SORCS1: variants seen among roughly 807,000 people sequenced by gnomAD.
SORCS1 encodes sortilin related VPS10 domain containing receptor 1.
Under a neutral mutation model 146.1 loss-of-function variants are expected in SORCS1, and 60 were observed. That is an observed-to-expected ratio of 0.41 (90% CI 0.33 to 0.51). The LOEUF (loss-of-function observed/expected upper bound fraction) is 0.51. Among genes scored for constraint, SORCS1 ranks in the 20% least tolerant of loss-of-function variants. The pLI is 0.21. For synonymous variants in SORCS1, 637 were observed against 584.0 expected (o/e 1.09, Z -1.31); for missense variants, 1,352 against 1,487.6 (o/e 0.91, Z 1.50).
intron 18 of SORCS1, among the ~76,000 whole-genome samples, chr10:106,638,085 T>C (rs1051745190): frequency 1.1e-4 from 17 of 152,170 alleles, no homozygotes; most frequent in Admixed American, 5.9e-4. Context: ...CCATTGCACT[T>C]TGGAAGCACT....
At chr10:106,922,215 G>A (rs1355379624) in intron 2 of SORCS1, among the ~76,000 whole-genome samples, 1 of 152,100 alleles carries the variant, frequency 6.6e-6, no homozygotes, top group Middle Eastern at 3.2e-3. Flanking sequence ...TTTCAGAGGC[G>A]GGTTCCAGGT....
intron 8 of SORCS1, among the ~76,000 whole-genome samples, chr10:106,701,624 A>C (rs1854145819): frequency 6.6e-6 from 1 of 152,178 alleles, no homozygotes; most frequent in Non-Finnish European, 1.5e-5. Flanking sequence ...ATCCTGTGAC[A>C]TTTTTTTGGT....
intron 3 of SORCS1, among the ~76,000 whole-genome samples, chr10:106,791,254 T>A (rs2136516355): frequency 6.6e-6 from 1 of 152,354 alleles, no homozygotes; most frequent in Non-Finnish European, 1.5e-5. Context: ...GATATAGTAT[T>A]GATTGTACAA....
chr10:106,948,366 A>C (rs1211188630), intron 2 of SORCS1, among the ~76,000 whole-genome samples: 2 of 152,050 alleles, frequency 1.3e-5, no homozygotes, highest in Non-Finnish European at 2.9e-5. Context: ...TTTTTAAAAA[A>C]ACATAGTTTA....
chr10:106,593,908 T>C (rs1845757486), intron 24 of SORCS1, among the ~76,000 whole-genome samples: 1 of 152,112 alleles, frequency 6.6e-6, no homozygotes, highest in African/African-American at 2.4e-5. Flanking sequence ...TTCCCAGGAG[T>C]CTTAGTCCTG....
chr10:106,833,144 A>G (rs1948631683), intron 2 of SORCS1, among the ~76,000 whole-genome samples: 1 of 152,148 alleles, frequency 6.6e-6, no homozygotes, highest in South Asian at 2.1e-4. Flanking sequence ...GGACATTTTT[A>G]TCTTATTGTA....
chr10:106,900,555 G>A (rs1289840681), intron 2 of SORCS1, among the ~76,000 whole-genome samples: 1 of 151,836 alleles, frequency 6.6e-6, no homozygotes, highest in African/African-American at 2.4e-5. Flanking sequence ...TAACTCAGAG[G>A]TGTGCTCTAC....
chr10:107,032,515 C>T (rs1958705997), intron 1 of SORCS1, among the ~76,000 whole-genome samples: 1 of 152,168 alleles, frequency 6.6e-6, no homozygotes, highest in African/African-American at 2.4e-5. Flanking sequence ...GAAACAGCTG[C>T]TGCCCCTCAA....
chr10:106,854,715 G>T (rs1397646465), intron 2 of SORCS1, among the ~76,000 whole-genome samples: 1 of 151,918 alleles, frequency 6.6e-6, no homozygotes, highest in African/African-American at 2.4e-5. Context: ...ACTACTTCAT[G>T]GGGAGTGCAG....
At position 107,071,406 on chromosome 10, in the gene SORCS1, TTACACAG is replaced by T. The variant is rs1962413986; in HGVS notation, c.558+92556_558+92562del. On this transcript the variant is annotated intron_variant, in intron 1 of 25. Transcript: ENST00000263054. ...TGAAAAGTGTCTGTGTACTCAACTT[TTACACAG>T]AGTTGTGGGAGCTTATGTGAATCCC... 4.6e-5 allele frequency among the ~76,000 whole-genome samples: 7 copies of T among 152,296 alleles called. No individual in the cohort carries two copies. The East Asian group carries it at 1.4e-3, about 29-fold the overall frequency.
chr10:106,746,261 T>C (rs1276140022), intron 5 of SORCS1, among the ~76,000 whole-genome samples: 3 of 152,218 alleles, frequency 2.0e-5, no homozygotes, highest in African/African-American at 7.2e-5. Context: ...CATTGCACCA[T>C]GGTAATGTAA....
intron 2 of SORCS1, among the ~76,000 whole-genome samples, chr10:106,898,048 T>G (rs1022740833): frequency 3.9e-5 from 6 of 152,242 alleles, no homozygotes; most frequent in African/African-American, 1.2e-4. Context: ...GGATTGTTGT[T>G]GCTTTCAACT....
In SORCS1 at chr10:106,932,209, ATATAT is replaced by A. The variant is rs574696832; in HGVS notation, c.626+24299_626+24303del. ...ACTATAGTATTAATATAGTCTACAA[ATATAT>A]TATTATTTTTGAGAATTACATGATT... On this transcript the variant is annotated intron_variant, in intron 2 of 25. Coordinates refer to ENST00000263054, the MANE Select transcript of SORCS1 (RefSeq NM_052918.5). Among the ~76,000 whole-genome samples the A allele has an allele frequency of 2.3e-4, 35 of 152,292 alleles. No individual in the cohort carries two copies. The East Asian group carries it at 6.7e-3, about 29-fold the overall frequency.
intron 5 of SORCS1, among the ~76,000 whole-genome samples, chr10:106,760,820 A>ACATGT (rs1859050574): frequency 6.6e-6 from 1 of 152,040 alleles, no homozygotes; most frequent in Non-Finnish European, 1.5e-5. Flanking sequence ...GACAAGGGGA[A>ACATGT]GGCCGGCCAG....
At chr10:106,927,909 G>T (rs1953150001) in intron 2 of SORCS1, among the ~76,000 whole-genome samples, 1 of 152,246 alleles carries the variant, frequency 6.6e-6, no homozygotes, top group Admixed American at 6.5e-5. Flanking sequence ...AGAGTAGCTG[G>T]ATGCAAAGTG....
chr10:106,802,908 GGT>G (rs1946980819), intron 3 of SORCS1, among the ~76,000 whole-genome samples: 1 of 152,194 alleles, frequency 6.6e-6, no homozygotes, highest in Non-Finnish European at 1.5e-5. Flanking sequence ...AGGGATTACA[GGT>G]GTGAGCCATC....
intron 3 of SORCS1, among the ~76,000 whole-genome samples, chr10:106,786,068 C>T (rs767888845): frequency 2.6e-5 from 4 of 152,136 alleles, no homozygotes; most frequent in Admixed American, 2.0e-4. Context: ...TGATTTTTTT[C>T]ATGACTGCAT....
At chr10:106,844,401 G>A (rs1021832004) in intron 2 of SORCS1, among the ~76,000 whole-genome samples, 2 of 151,968 alleles carry the variant, frequency 1.3e-5, no homozygotes, top group Middle Eastern at 3.4e-3. Flanking sequence ...ATATTGAGGA[G>A]ATTTTCTTCT....
chr10:107,053,200 G>T (rs1193527752), intron 1 of SORCS1, among the ~76,000 whole-genome samples: 1 of 152,070 alleles, frequency 6.6e-6, no homozygotes, highest in African/African-American at 2.4e-5. Context: ...CTTTAATTGT[G>T]ATTTCCGCTA....
Sources: allele counts gnomAD v4.1 joint callset (sites outside exome capture counted in the v4.1 genomes callset), GRCh38; gene constraint gnomAD v4.1.1; transcripts MANE v1.5; gene names NCBI Gene and HGNC (gene_info 2026-07-23, HGNC 2026-07-21).